CFAP20DC: variants seen among roughly 807,000 people sequenced by gnomAD.
The protein encoded by CFAP20DC is protein CFAP20DC.
In CFAP20DC, 84 loss-of-function variants were observed where a neutral mutation model predicts 101.7. That is an observed-to-expected ratio of 0.83 (90% CI 0.69 to 0.99). The LOEUF (loss-of-function observed/expected upper bound fraction) is 0.99. CFAP20DC is among the 50% of genes least tolerant of loss of function. The probability of loss-of-function intolerance (pLI) is 0.00; values close to 1 mark genes in which losing one functional copy is unlikely to be tolerated. For synonymous variants in CFAP20DC, 359 were observed against 351.2 expected (o/e 1.02, Z -0.25); for missense variants, 1,007 against 970.3 (o/e 1.04, Z -0.50).
intron 4 of CFAP20DC, among the ~76,000 whole-genome samples, chr3:58,972,740 A>G (rs964621620): frequency 6.6e-6 from 1 of 152,198 alleles, no homozygotes; most frequent in African/African-American, 2.4e-5. Flanking sequence ...ACTCAGTTCT[A>G]TACTCAATTT....
At chr3:59,020,642 G>C (rs1317947047) in intron 4 of CFAP20DC, among the ~76,000 whole-genome samples, 1 of 152,038 alleles carries the variant, frequency 6.6e-6, no homozygotes. Flanking sequence ...TCTCTGCCCT[G>C]TTGATTCTAG....
chr3:58,797,888 C>A (rs1003259338), intron 15 of CFAP20DC, among the ~76,000 whole-genome samples: 2 of 152,120 alleles, frequency 1.3e-5, no homozygotes, highest in Non-Finnish European at 2.9e-5. Context: ...AAAGGACCAA[C>A]AAAGCCTGGA....
intron 14 of CFAP20DC, among the ~76,000 whole-genome samples, chr3:58,811,643 G>A (rs1039914067): frequency 1.3e-5 from 2 of 152,070 alleles, no homozygotes; most frequent in Admixed American, 6.6e-5. Context: ...ACATAGGCAT[G>A]GGCAAGGACT....
chr3:58,867,739 A>G (rs1486260468), intron 10 of CFAP20DC, 78 bp downstream of exon 10: 1 of 1,549,134 alleles, frequency 6.5e-7, no homozygotes, highest in East Asian at 2.3e-5. Flanking sequence ...AATCCTTTGA[A>G]ATTTACAACC....
At chr3:59,018,857 T>C (rs1032681757) in intron 4 of CFAP20DC, 1 of 152,140 alleles carries the variant, frequency 6.6e-6, no homozygotes, top group Non-Finnish European at 1.5e-5. Flanking sequence ...TTAGTAAATA[T>C]ACACTGAAGT....
intron 4 of CFAP20DC, among the ~76,000 whole-genome samples, chr3:58,965,278 T>C (rs1438780465): frequency 6.6e-6 from 1 of 152,224 alleles, no homozygotes; most frequent in Non-Finnish European, 1.5e-5. Context: ...TAAAAGTTTA[T>C]GTTTTTGCCA....
At chr3:58,939,894 G>A (rs1298819987) in intron 4 of CFAP20DC, among the ~76,000 whole-genome samples, 1 of 151,198 alleles carries the variant, frequency 6.6e-6, no homozygotes, top group East Asian at 2.0e-4. Flanking sequence ...AGCCTCCTGA[G>A]TAGCTGGGAT....
intron 3 of CFAP20DC, among the ~76,000 whole-genome samples, chr3:59,042,957 T>C (rs57376676): frequency 0.016 from 2,422 of 152,194 alleles, 67 homozygotes; most frequent in African/African-American, 0.055. Flanking sequence ...ACTGAAAAGA[T>C]AAGTTGCTAA....
chr3:58,819,843 A>G (rs1486927299), intron 14 of CFAP20DC, among the ~76,000 whole-genome samples: 14 of 149,314 alleles, frequency 9.4e-5, no homozygotes, highest in Admixed American at 9.4e-4. Context: ...CAGCCAAAAA[A>G]GAGAATTTTA....
intron 7 of CFAP20DC, among the ~76,000 whole-genome samples, chr3:58,871,193 T>C (rs531966131): frequency 1.5e-4 from 23 of 152,002 alleles, no homozygotes; most frequent in African/African-American, 5.1e-4. Flanking sequence ...ATAAGAGATG[T>C]AGGATGCCCT....
At chr3:58,794,989 A>G (rs1055936685) in intron 15 of CFAP20DC, among the ~76,000 whole-genome samples, 2 of 152,208 alleles carry the variant, frequency 1.3e-5, no homozygotes, top group Non-Finnish European at 2.9e-5. Flanking sequence ...TACGGATGTG[A>G]CTGGCTGTAG....
intron 1 of CFAP20DC, among the ~76,000 whole-genome samples, chr3:59,047,512 C>T (rs1379449360): frequency 6.6e-6 from 1 of 152,118 alleles, no homozygotes; most frequent in Admixed American, 6.5e-5. Flanking sequence ...CATACAAACC[C>T]TACAGTATCT....
chr3:58,860,894 T>C (rs956791854), intron 12 of CFAP20DC, among the ~76,000 whole-genome samples: 19 of 152,212 alleles, frequency 1.2e-4, no homozygotes, highest in Admixed American at 4.6e-4. Flanking sequence ...TTCTGTAGTA[T>C]ATTTTTCAAA....
rs1393433861 is a variant in CFAP20DC at position 58,921,741 on chromosome 3, G to T, written c.394-7877C>A. Reference sequence around the variant, plus strand: ...CTACAAATGTCAAATAGGTCAGATTGGTAGTGTTTTTCAAGTCTATATCTT... The same window carrying T: ...CTACAAATGTCAAATAGGTCAGATTTGTAGTGTTTTTCAAGTCTATATCTT... On this transcript the variant is annotated intron_variant, in intron 5 of 16. Transcript: ENST00000482387. 2.6e-5 allele frequency among the ~76,000 whole-genome samples: 4 copies of T among 152,242 alleles called. No homozygotes were observed. In the East Asian group the frequency reaches 7.7e-4, roughly 29 times the overall value.
intron 4 of CFAP20DC, among the ~76,000 whole-genome samples, chr3:58,982,324 C>A (rs926214758): frequency 2.6e-5 from 4 of 152,098 alleles, no homozygotes; most frequent in Non-Finnish European, 5.9e-5. Flanking sequence ...GGATCTAGAA[C>A]TAGAAATACC....
chr3:58,995,724 A>C (rs2093099623), intron 4 of CFAP20DC, among the ~76,000 whole-genome samples: 1 of 152,202 alleles, frequency 6.6e-6, no homozygotes, highest in African/African-American at 2.4e-5. Context: ...AATCAATTGG[A>C]GCCCTGAACA....
At chr3:58,762,392 A>C (rs981193961) in intron 15 of CFAP20DC, among the ~76,000 whole-genome samples, 1 of 152,126 alleles carries the variant, frequency 6.6e-6, no homozygotes, top group African/African-American at 2.4e-5. Flanking sequence ...TTTGCTTGGT[A>C]GATCTCCCTC....
At chr3:58,981,305 C>T (rs1314924000) in intron 4 of CFAP20DC, among the ~76,000 whole-genome samples, 5 of 151,940 alleles carry the variant, frequency 3.3e-5, no homozygotes, top group East Asian at 1.9e-4. Flanking sequence ...AGATTCAATG[C>T]CATCCCCATC....
rs1253621025 is a variant in CFAP20DC at position 58,874,103 on chromosome 3, C to T, written c.716-3794G>A. On this transcript the variant is annotated intron_variant, in intron 7 of 16. Transcript: ENST00000482387. The surrounding 1 kb of genome is among the most constrained non-coding windows in gnomAD (Gnocchi z 5.1). ...GAGCTCCACTCCTTATATCCAGTAG[C>T]CTCTTTACCAGCTCCTCTTCAGTGT... Among the ~76,000 whole-genome samples the T allele has an allele frequency of 6.6e-6, 1 of 152,226 alleles. No homozygotes were observed. The highest frequency in any genetic ancestry group is 2.4e-5 in the African/African-American group (1 of 41,448).
Sources: allele counts gnomAD v4.1 joint callset (sites outside exome capture counted in the v4.1 genomes callset), GRCh38; gene constraint gnomAD v4.1.1; non-coding constraint Gnocchi (gnomAD v3.1); transcripts MANE v1.5; gene names NCBI Gene and HGNC (gene_info 2026-07-23, HGNC 2026-07-21).